Variants in LRIG1 observed in about 807,000 individuals in gnomAD.
The protein encoded by LRIG1 is leucine rich repeats and immunoglobulin like domains 1.
In LRIG1, 48 loss-of-function variants were observed where a neutral mutation model predicts 99.2. The ratio of observed to expected loss-of-function variants is 0.48; its 90% CI spans 0.38 to 0.62. The LOEUF is 0.62. Among genes scored for constraint, LRIG1 ranks in the 20% least tolerant of loss-of-function variants. The pLI is 0.00. For synonymous variants in LRIG1, 772 were observed against 596.1 expected, an observed-to-expected ratio of 1.29 and a Z score of -4.30; for missense variants, 1,646 against 1,434.4, an observed-to-expected ratio of 1.15 and a Z score of -2.38.
intron 6 of LRIG1, among the ~76,000 whole-genome samples, chr3:66,412,594 C>T (rs1055249723): frequency 2.0e-5 from 3 of 152,340 alleles, no homozygotes; most frequent in South Asian, 2.1e-4. Context: ...GGGCTGGGTC[C>T]GGCTGAAGTC....
intron 2 of LRIG1, among the ~76,000 whole-genome samples, chr3:66,462,137 C>A (rs1700368881): frequency 6.6e-6 from 1 of 152,108 alleles, no homozygotes; most frequent in African/African-American, 2.4e-5. Flanking sequence ...AAAGTACCAG[C>A]CCAGGATGTG....
Position 66,383,292 on chromosome 3 carries a change from G to T in LRIG1, c.2181C>A (p.Phe727Leu), listed in dbSNP as rs1455781374. 1 of 1,611,942 alleles carries T rather than the reference G, an allele frequency of 6.2e-7. No individual in the cohort carries two copies. Among genetic ancestry groups the T allele is most frequent in the Non-Finnish European group, 8.5e-7 (1 of 1,178,116 alleles). The change falls in exon 15 of 19, where the codon TTC becomes TTA. Residue 727 changes from phenylalanine to leucine, a missense_variant. By Grantham distance (22) the Phe-to-Leu change is conservative (BLOSUM62 0). Transcript: ENST00000273261. The part of the protein sequence containing the change: ...TGNPPPRITW[F>L]KGDRPLSLTE... ...TGAGGCTCAGCGGGCGGTCCCCCTTGAACCAGGTGATGCGGGGCGGAGGGT... is the reference window on the plus strand; with the variant it reads ...TGAGGCTCAGCGGGCGGTCCCCCTTTAACCAGGTGATGCGGGGCGGAGGGT...
intron 7 of LRIG1, 88 bp from the exon 8 acceptor site, chr3:66,407,579 G>T: frequency 6.7e-7 from 1 of 1,484,970 alleles, no homozygotes; most frequent in Non-Finnish European, 9.3e-7. Context: ...AGTCAGCTGG[G>T]TTTCAGTGGG....
At chr3:66,402,017 G>C (rs1030838624) in intron 9 of LRIG1, among the ~76,000 whole-genome samples, 2 of 152,128 alleles carry the variant, frequency 1.3e-5, no homozygotes, top group Non-Finnish European at 2.9e-5. Flanking sequence ...TTCCACTGCA[G>C]GCCCGGCCCC....
At chr3:66,496,073 C>T (rs1486668906) in intron 1 of LRIG1, among the ~76,000 whole-genome samples, 1 of 152,230 alleles carries the variant, frequency 6.6e-6, no homozygotes, top group Non-Finnish European at 1.5e-5. Flanking sequence ...CATCACACTA[C>T]ACTTAATTTT....
intron 9 of LRIG1, among the ~76,000 whole-genome samples, chr3:66,403,989 A>G (rs1702164933): frequency 6.6e-6 from 1 of 152,172 alleles, no homozygotes; most frequent in Non-Finnish European, 1.5e-5. Context: ...CCCGTATGGG[A>G]TAAAAAGGGG....
At chr3:66,427,099 C>T (rs1000708900) in intron 3 of LRIG1, among the ~76,000 whole-genome samples, 2 of 152,218 alleles carry the variant, frequency 1.3e-5, no homozygotes, top group Admixed American at 6.5e-5. Context: ...ACCCCCGGCC[C>T]CCATTACCCC....
chr3:66,500,862 G>A lies in LRIG1; in HGVS notation c.-455C>T, dbSNP rs1701342338. 3.9e-5 allele frequency: 6 copies of A among 152,016 alleles called. No homozygotes were observed. The South Asian group carries it at 1.2e-3, about 31-fold the overall frequency. The allele number at this position is 152,016 out of a possible 1,614,324, so 9.4% of individuals were successfully genotyped here. On this transcript the variant is annotated 5_prime_UTR_variant, in exon 1 of 19. Coordinates refer to ENST00000273261, the MANE Select transcript of LRIG1 (RefSeq NM_015541.3). ...AGCGCAAAGCCGTAGACCTCGGGCT[G>A]GACGGCGCGGCCGGCCCCGCGCTGG... is the stretch of plus-strand genomic sequence containing the variant.
chr3:66,408,711 C>G (rs1056122564), intron 7 of LRIG1, among the ~76,000 whole-genome samples: 1 of 152,140 alleles, frequency 6.6e-6, no homozygotes, highest in African/African-American at 2.4e-5. Context: ...CAGGAGTCCC[C>G]TGGTGGGGTC....
At chr3:66,418,374 T>C (rs1447318362) in intron 3 of LRIG1, among the ~76,000 whole-genome samples, 1 of 152,220 alleles carries the variant, frequency 6.6e-6, no homozygotes, top group Non-Finnish European at 1.5e-5. Context: ...ATTACAGGCG[T>C]GAGCCACCAC....
At chr3:66,383,670 T>C (rs1391906877) in intron 14 of LRIG1, among the ~76,000 whole-genome samples, 1 of 151,834 alleles carries the variant, frequency 6.6e-6, no homozygotes, top group African/African-American at 2.4e-5. Flanking sequence ...TCCTTATTCT[T>C]GACCAAGCCC....
At chr3:66,429,792 GT>G (rs1703100169) in intron 3 of LRIG1, among the ~76,000 whole-genome samples, 1 of 140,752 alleles carries the variant, frequency 7.1e-6, no homozygotes, top group African/African-American at 3.1e-5. Context: ...GGGTGGGTGT[GT>G]GTGTGTGTGT....
At position 66,451,583 on chromosome 3, in the gene LRIG1, G is replaced by C. The variant is rs1405474517; in HGVS notation, c.341C>G (p.Ser114Ter). 2 of 1,613,968 alleles carry C rather than the reference G, an allele frequency of 1.2e-6. No individual in the cohort carries two copies. The highest frequency in any genetic ancestry group is 1.7e-6 in the Non-Finnish European group (2 of 1,179,998). ...CAGAAAGAGAGAGACGACATGTGATGAAGCAGCGCCCAGGGATGGTACCGC... is the reference window on the plus strand; with the variant it reads ...CAGAAAGAGAGAGACGACATGTGATCAAGCAGCGCCCAGGGATGGTACCGC... ...LTAVPSLGAA[S>*]SHVVSLFLQH... Residue 114 changes from serine (S) to a stop codon, truncating the protein, a stop_gained, in exon 3 of 19, where the codon TCA (serine) becomes TGA (stop). Transcript: ENST00000273261. LOFTEE classifies it high-confidence loss of function.
intron 8 of LRIG1, chr3:66,405,767 G>A: frequency 8.5e-7 from 1 of 1,174,302 alleles, no homozygotes; most frequent in Middle Eastern, 2.4e-4. Context: ...CAGTGGGTCT[G>A]GAGCCCGGAG....
At chr3:66,393,933 C>T (rs749349192) in intron 12 of LRIG1, 107 bp downstream of exon 12, 96 of 1,196,946 alleles carry the variant, frequency 8.0e-5, no homozygotes, top group African/African-American at 1.2e-4. Flanking sequence ...TCTGTAACCA[C>T]GGGCTGGGGT....
At chr3:66,457,443 A>G (rs1397309275) in intron 2 of LRIG1, among the ~76,000 whole-genome samples, 3 of 152,170 alleles carry the variant, frequency 2.0e-5, no homozygotes, top group Non-Finnish European at 4.4e-5. Flanking sequence ...CACTAGGGAT[A>G]GGAGGCACAA....
intron 12 of LRIG1, among the ~76,000 whole-genome samples, chr3:66,393,090 CCTCCAGCAGGCACACTGGCTA>C (rs1025604325): frequency 1.4e-4 from 21 of 152,286 alleles, no homozygotes; most frequent in Non-Finnish European, 2.1e-4. Context: ...ACACATCTTG[CCTCCAGCAGGCACACTGGCTA>C]CTCCAGCAGG....
chr3:66,485,900 A>G (rs17044708), intron 1 of LRIG1, among the ~76,000 whole-genome samples: 8,210 of 152,282 alleles, frequency 0.054, 717 homozygotes, highest in African/African-American at 0.19. Context: ...AGGTGCTTCA[A>G]GCCACCAAAG....
intron 1 of LRIG1, chr3:66,469,075 C>T (rs1045576190): frequency 2.0e-5 from 3 of 152,142 alleles, no homozygotes; most frequent in Non-Finnish European, 2.9e-5. Context: ...ATTAAGATGA[C>T]AAAATTGTAT....
Sources: allele counts gnomAD v4.1 joint callset (sites outside exome capture counted in the v4.1 genomes callset), GRCh38; gene constraint gnomAD v4.1.1; transcripts MANE v1.5; gene names NCBI Gene and HGNC (gene_info 2026-07-23, HGNC 2026-07-21).